The following PPM1L variants were observed in gnomAD, a reference collection of about 807,000 sequenced individuals.
PPM1L encodes protein phosphatase 1L.
A neutral mutation model predicts 31.4 loss-of-function variants in PPM1L; 13 were observed. That is an observed-to-expected ratio of 0.41 (90% CI 0.27 to 0.66). The LOEUF is 0.66. Among genes scored for constraint, PPM1L ranks in the 30% least tolerant of loss-of-function variants. The probability of loss-of-function intolerance (pLI) is 0.29; values close to 1 mark genes in which losing one functional copy is unlikely to be tolerated. For synonymous variants in PPM1L, 184 were observed against 175.4 expected (o/e 1.05, Z -0.39); for missense variants, 326 against 453.7 (o/e 0.72, Z 2.56).
chr3:160,798,212 G>T (rs1055647374), intron 1 of PPM1L, among the ~76,000 whole-genome samples: 1 of 152,070 alleles, frequency 6.6e-6, no homozygotes, highest in Non-Finnish European at 1.5e-5. Context: ...AAAAATGCCA[G>T]GTGAAGCAGC....
intron 1 of PPM1L, among the ~76,000 whole-genome samples, chr3:160,814,812 C>T (rs1001284526): frequency 1.3e-5 from 2 of 151,562 alleles, no homozygotes; most frequent in Non-Finnish European, 2.9e-5. Context: ...CCATGGAATA[C>T]TACTCAGCCA....
intron 1 of PPM1L, among the ~76,000 whole-genome samples, chr3:160,778,776 C>G (rs1312997561): frequency 6.6e-6 from 1 of 152,088 alleles, no homozygotes; most frequent in African/African-American, 2.4e-5. Context: ...AAGTATCCTA[C>G]AGAACACAGG....
intron 2 of PPM1L, among the ~76,000 whole-genome samples, chr3:161,046,425 T>G (rs1222535109): frequency 1.3e-5 from 2 of 151,298 alleles, no homozygotes; most frequent in Non-Finnish European, 3.0e-5. Flanking sequence ...AATAACAGGC[T>G]CTGAAATTGA....
chr3:160,911,627 GAAA>G (rs886711367), intron 1 of PPM1L, among the ~76,000 whole-genome samples: 1 of 152,136 alleles, frequency 6.6e-6, no homozygotes. Context: ...TATGCAATGA[GAAA>G]AACAAACCCC....
At chr3:161,052,052 T>G (rs1375305832) in intron 2 of PPM1L, among the ~76,000 whole-genome samples, 2 of 152,162 alleles carry the variant, frequency 1.3e-5, no homozygotes, top group Non-Finnish European at 2.9e-5. Flanking sequence ...GCCCACTCAT[T>G]GGGGCACTGA....
At chr3:160,784,826 G>A (rs1196822473) in intron 1 of PPM1L, among the ~76,000 whole-genome samples, 22 of 152,220 alleles carry the variant, frequency 1.4e-4, no homozygotes, top group Non-Finnish European at 2.8e-4. Flanking sequence ...ACTTTTATTT[G>A]TCCCAGATAA....
At chr3:160,944,384 T>C (rs890576572) in intron 1 of PPM1L, among the ~76,000 whole-genome samples, 2 of 151,832 alleles carry the variant, frequency 1.3e-5, no homozygotes, top group African/African-American at 4.8e-5. Flanking sequence ...TTTATAATGC[T>C]TAATCACATT....
intron 2 of PPM1L, among the ~76,000 whole-genome samples, chr3:160,976,261 C>T (rs1288170800): frequency 6.8e-6 from 1 of 147,952 alleles, no homozygotes; most frequent in Non-Finnish European, 1.5e-5. Flanking sequence ...TGATGTGCCA[C>T]TGGATTCGGT....
chr3:160,944,886 A>ATG (rs199625635), intron 1 of PPM1L, among the ~76,000 whole-genome samples: 5,345 of 46,628 alleles, frequency 0.11, 873 homozygotes, highest in African/African-American at 0.17. Context: ...TAACATATAT[A>ATG]TTATATATAA....
At chr3:160,960,111 A>C (rs1715903735) in intron 1 of PPM1L, among the ~76,000 whole-genome samples, 1 of 152,076 alleles carries the variant, frequency 6.6e-6, no homozygotes, top group Non-Finnish European at 1.5e-5. Flanking sequence ...CTACTCTATA[A>C]ATGAAAAAAA....
intron 1 of PPM1L, among the ~76,000 whole-genome samples, chr3:160,834,810 A>G (rs532898793): frequency 3.9e-5 from 6 of 152,072 alleles, no homozygotes; most frequent in Non-Finnish European, 8.8e-5. Context: ...AATGTGCCAT[A>G]GTATGTTTAA....
intron 1 of PPM1L, among the ~76,000 whole-genome samples, chr3:160,926,427 C>T (rs1576719021): frequency 6.6e-6 from 1 of 152,190 alleles, no homozygotes. Flanking sequence ...GGAACCAGAA[C>T]CCCTAATTCA....
intron 2 of PPM1L, among the ~76,000 whole-genome samples, chr3:160,970,742 G>A (rs1716302733): frequency 6.7e-6 from 1 of 150,028 alleles, no homozygotes; most frequent in Non-Finnish European, 1.5e-5. Flanking sequence ...ACAGGTGTGT[G>A]CTATTGCACC....
intron 1 of PPM1L, among the ~76,000 whole-genome samples, chr3:160,834,840 C>T (rs1332031819): frequency 6.6e-6 from 1 of 152,022 alleles, no homozygotes; most frequent in Non-Finnish European, 1.5e-5. Context: ...TATTGAGTGA[C>T]ATTTGGGATA....
intron 2 of PPM1L, among the ~76,000 whole-genome samples, chr3:161,061,480 T>C (rs931004494): frequency 1.3e-5 from 2 of 152,210 alleles, no homozygotes; most frequent in African/African-American, 2.4e-5. Context: ...GTATGTTCAA[T>C]AGCATGTGAG....
chr3:161,056,250 A>C (rs934260248), intron 2 of PPM1L, among the ~76,000 whole-genome samples: 3 of 152,142 alleles, frequency 2.0e-5, no homozygotes, highest in African/African-American at 7.2e-5. Context: ...TGTCACCCAG[A>C]CACTGATGGA....
chr3:161,026,244 G>A (rs1718384698), intron 2 of PPM1L, among the ~76,000 whole-genome samples: 1 of 152,210 alleles, frequency 6.6e-6, no homozygotes, highest in Non-Finnish European at 1.5e-5. Context: ...GGTTAGACAA[G>A]CAAGCAGGTG....
intron 2 of PPM1L, among the ~76,000 whole-genome samples, chr3:160,963,251 G>T (rs1716023316): frequency 6.6e-6 from 1 of 152,020 alleles, no homozygotes; most frequent in Non-Finnish European, 1.5e-5. Flanking sequence ...TTACTTACTT[G>T]TAAAACTGGG....
At chr3:160,838,871 T>A (rs986826271) in intron 1 of PPM1L, among the ~76,000 whole-genome samples, 10 of 152,218 alleles carry the variant, frequency 6.6e-5, no homozygotes, top group Non-Finnish European at 1.5e-4. Context: ...ATGGCTTGAA[T>A]GTGTCCCCAA....
Sources: allele counts gnomAD v4.1 joint callset (sites outside exome capture counted in the v4.1 genomes callset), GRCh38; gene constraint gnomAD v4.1.1; transcripts MANE v1.5; gene names NCBI Gene and HGNC (gene_info 2026-07-23, HGNC 2026-07-21).